NBN: variants seen among roughly 807,000 people sequenced by gnomAD.
NBN encodes the protein Nijmegen breakage syndrome 1 (nibrin).
A neutral mutation model predicts 90.8 loss-of-function variants in NBN; 88 were observed. The ratio of observed to expected loss-of-function variants is 0.97; its 90% CI spans 0.82 to 1.16. The LOEUF (loss-of-function observed/expected upper bound fraction) is 1.16. NBN is among the 50% of genes most tolerant of loss of function. The pLI, the probability that NBN is intolerant of heterozygous loss-of-function variation, is 0.00. For synonymous variants in NBN, 328 were observed against 295.1 expected, an observed-to-expected ratio of 1.11 and a Z score of -1.14; for missense variants, 894 against 869.6, an observed-to-expected ratio of 1.03 and a Z score of -0.35.
chr8:89,942,034 T>C (rs1051180682), intron 14 of NBN, among the ~76,000 whole-genome samples: 3 of 152,242 alleles, frequency 2.0e-5, no homozygotes, highest in East Asian at 1.9e-4. Flanking sequence ...CTGCAAGTCA[T>C]GAAAAACCTG....
intron 9 of NBN, among the ~76,000 whole-genome samples, chr8:89,955,760 C>T (rs1343718512): frequency 1.3e-5 from 2 of 152,124 alleles, no homozygotes; most frequent in East Asian, 3.9e-4. Flanking sequence ...CCTTACTCTT[C>T]TTCACCCCCT....
At chr8:89,984,134 T>C (rs879311194) in intron 1 of NBN, 4 of 351,484 alleles carry the variant, frequency 1.1e-5, no homozygotes, top group African/African-American at 2.1e-5. Flanking sequence ...TCACAAGTCA[T>C]GTGTGGCCCC....
intron 7 of NBN, 87 bp from the exon 8 acceptor site, chr8:89,964,594 T>C: frequency 7.6e-7 from 1 of 1,315,654 alleles, no homozygotes; most frequent in Non-Finnish European, 1.1e-6. Flanking sequence ...CAACCTCTTT[T>C]TTTTCCTCCC....
At chr8:89,964,987 G>A (rs1053950797) in intron 7 of NBN, among the ~76,000 whole-genome samples, 1 of 152,026 alleles carries the variant, frequency 6.6e-6, no homozygotes, top group Non-Finnish European at 1.5e-5. Context: ...AGTGGTGCAC[G>A]CTTGTAATCC....
chr8:89,936,136 GGCGCGATCTTGGCTCAC>G, intron 15 of NBN: 1 of 336,584 alleles, frequency 3.0e-6, no homozygotes, highest in Non-Finnish European at 5.6e-6. Context: ...GGAGTGCAGT[GGCGCGATCTTGGCTCAC>G]GCAGCCTCCG....
intron 14 of NBN, among the ~76,000 whole-genome samples, chr8:89,941,320 G>A (rs1030975321): frequency 2.6e-5 from 4 of 152,112 alleles, no homozygotes; most frequent in Non-Finnish European, 5.9e-5. Flanking sequence ...GGTCATGCAT[G>A]CAAGTCACCT....
At chr8:89,956,987 C>A (rs982878741) in intron 9 of NBN, among the ~76,000 whole-genome samples, 2 of 152,284 alleles carry the variant, frequency 1.3e-5, no homozygotes, top group East Asian at 3.9e-4. Flanking sequence ...TATAGCACAA[C>A]AGCACATACA....
intron 11 of NBN, 84 bp downstream of exon 11, chr8:89,953,160 T>G: frequency 1.0e-6 from 1 of 981,912 alleles, no homozygotes; most frequent in Non-Finnish European, 1.6e-6. Flanking sequence ...TAATGGATGC[T>G]CATACTGTCA....
intron 8 of NBN, among the ~76,000 whole-genome samples, chr8:89,962,796 TAATAA>T (rs1811052569): frequency 6.6e-6 from 1 of 152,192 alleles, no homozygotes; most frequent in Admixed American, 6.5e-5. Flanking sequence ...CTTATCCAAA[TAATAA>T]AATACTAGCC....
At chr8:89,969,976 C>T (rs532158154) in intron 7 of NBN, among the ~76,000 whole-genome samples, 16 of 151,086 alleles carry the variant, frequency 1.1e-4, no homozygotes, top group South Asian at 6.3e-4. Flanking sequence ...AGGCCAGGCA[C>T]GGTGGCTCAT....
intron 10 of NBN, 54 bp from the exon 11 acceptor site, chr8:89,953,745 T>C: frequency 7.1e-7 from 1 of 1,409,340 alleles, no homozygotes; most frequent in East Asian, 2.4e-5. Context: ...CACAGCTAAG[T>C]AACCATTTAG....
rs1057524430 is a variant in NBN at position 89,935,631 on chromosome 8, G to A, written c.2235-19C>T. 3 of 1,603,382 alleles carry A rather than the reference G, an allele frequency of 1.9e-6. No homozygotes were observed. Among genetic ancestry groups the A allele is most frequent in the Admixed American group, 3.3e-5 (2 of 59,814 alleles). ...ATTGTATCTGCAAAGAAAGAAATGG[G>A]GTTAAATGATATTTAGATAAGGGAT... On this transcript the variant is annotated intron_variant, in intron 15 of 15. Transcript: ENST00000265433.
At position 89,935,370 on chromosome 8, in the gene NBN, G is replaced by GA. The variant is rs1221231711; in HGVS notation, c.*211dup. 7.5e-6 allele frequency: 4 copies of GA among 533,078 alleles called. No individual in the cohort carries two copies. Among genetic ancestry groups the GA allele is most frequent in the South Asian group, 2.3e-5 (1 of 43,220 alleles). 33.0% of individuals were successfully genotyped at this position (533,078 alleles called of 1,614,324 possible). ...TAATAAACAAAACACATTTAAAAAT[G>GA]AAAAAAAGATGCAATGACAAAGCCT... On this transcript the variant is annotated 3_prime_UTR_variant, in exon 16 of 16. Transcript: ENST00000265433.
chr8:89,973,632 G>A (rs1811612959), intron 5 of NBN, among the ~76,000 whole-genome samples: 1 of 152,136 alleles, frequency 6.6e-6, no homozygotes, highest in South Asian at 2.1e-4. Flanking sequence ...GTGTAATGAT[G>A]AGAGCAAGAA....
chr8:89,946,328 G>A (rs1279022264), intron 12 of NBN, 33 bp from the exon 13 acceptor site: 1 of 1,539,406 alleles, frequency 6.5e-7, no homozygotes, highest in African/African-American at 1.4e-5. Context: ...AGGTAAGAAA[G>A]AGAAGAAATA....
intron 11 of NBN, 84 bp from the exon 12 acceptor site, chr8:89,947,976 G>T: frequency 1.2e-6 from 1 of 815,448 alleles, no homozygotes; most frequent in Non-Finnish European, 2.0e-6. Context: ...TGAATAAGAT[G>T]AAGTGTAAAA....
intron 5 of NBN, among the ~76,000 whole-genome samples, chr8:89,972,698 C>A (rs535767860): frequency 6.6e-6 from 1 of 152,192 alleles, no homozygotes; most frequent in Non-Finnish European, 1.5e-5. Flanking sequence ...AGCCAACTAA[C>A]ACTTTACTTA....
chr8:89,982,689 C>T (rs375194225), intron 2 of NBN, 33 bp downstream of exon 2: 10 of 1,583,906 alleles, frequency 6.3e-6, no homozygotes, highest in Non-Finnish European at 8.7e-6. Flanking sequence ...AACCCCCTTA[C>T]TGGAAACTAG....
chr8:89,964,978 G>C (rs565535851), intron 7 of NBN, among the ~76,000 whole-genome samples: 3 of 152,134 alleles, frequency 2.0e-5, no homozygotes, highest in African/African-American at 7.2e-5. Flanking sequence ...GCTGGGTGTA[G>C]TGGTGCACGC....
Sources: gnomAD v4.1 joint callset for allele counts (sites outside exome capture counted in the v4.1 genomes callset) on GRCh38, gnomAD v4.1.1 for gene constraint, MANE v1.5 for transcripts, NCBI Gene and HGNC (gene_info 2026-07-23, HGNC 2026-07-21) for gene names.